The following VWA8 variants were observed in gnomAD, a reference collection of about 807,000 sequenced individuals.
The protein encoded by VWA8 is von Willebrand factor A domain containing 8.
VWA8 carries 221 observed loss-of-function variants against 241.5 expected under a neutral mutation model. That is an observed-to-expected ratio of 0.91 (90% CI 0.82 to 1.02). The LOEUF is 1.02. VWA8 is among the 50% of genes least tolerant of loss of function. The pLI, the probability that VWA8 is intolerant of heterozygous loss-of-function variation, is 0.00. For missense variants in VWA8, 2,322 were observed against 2,328.7 expected (o/e 1.00, Z 0.06); for synonymous variants, 852 against 827.1 (o/e 1.03, Z -0.52).
chr13:41,644,534 A>G (rs2044818408), intron 37 of VWA8, among the ~76,000 whole-genome samples: 1 of 152,160 alleles, frequency 6.6e-6, no homozygotes, highest in Non-Finnish European at 1.5e-5. Context: ...GTTTCCTCCC[A>G]CATCCCAAAG....
At chr13:41,728,775 T>A (rs1181705857) in intron 23 of VWA8, among the ~76,000 whole-genome samples, 1 of 152,102 alleles carries the variant, frequency 6.6e-6, no homozygotes, top group Admixed American at 6.5e-5. Flanking sequence ...AACATCTCTG[T>A]GGTGATGCAC....
intron 9 of VWA8, 65 bp downstream of exon 9, chr13:41,883,322 G>T: frequency 7.7e-7 from 1 of 1,306,486 alleles, no homozygotes; most frequent in Non-Finnish European, 1.1e-6. Flanking sequence ...GTGAGGGGAA[G>T]ATGGGAAAAG....
chr13:41,667,506 T>C (rs1348922599), intron 37 of VWA8, among the ~76,000 whole-genome samples: 3 of 152,202 alleles, frequency 2.0e-5, no homozygotes, highest in African/African-American at 7.2e-5. Flanking sequence ...ACTACTTCCT[T>C]AAGTACTATT....
chr13:41,885,649 C>A (rs1357830141), intron 8 of VWA8, among the ~76,000 whole-genome samples: 1 of 152,248 alleles, frequency 6.6e-6, no homozygotes. Flanking sequence ...ACACCTCTTA[C>A]TTGATCAGGC....
At chr13:41,910,429 TG>T (rs1333231312) in intron 3 of VWA8, among the ~76,000 whole-genome samples, 1 of 151,526 alleles carries the variant, frequency 6.6e-6, no homozygotes, top group African/African-American at 2.4e-5. Context: ...ACTAAAAACA[TG>T]AAAAATTAGC....
intron 9 of VWA8, among the ~76,000 whole-genome samples, chr13:41,870,067 G>C (rs1202222462): frequency 6.6e-6 from 1 of 151,958 alleles, no homozygotes; most frequent in Non-Finnish European, 1.5e-5. Flanking sequence ...TCTTCATTTT[G>C]ATGTCATAAG....
In VWA8 at chr13:41,830,620, T is replaced by G; in HGVS notation, c.1609A>C (p.Ser537Arg). ...LQRLIHDREL[S>R]LYDGSRLLRE... ...AGCAGCCTAGAACCATCATAGAGGC[T>G]TAGCTCTCGATCATGGATTAACCTA... The change falls in exon 14 of 45, where the codon AGC becomes CGC. Residue 537 changes from serine to arginine, a missense_variant. Physicochemically the swap from Ser to Arg is moderately radical, Grantham distance 110. Coordinates refer to ENST00000379310, the MANE Select transcript of VWA8 (RefSeq NM_015058.2). The G allele has an allele frequency of 6.2e-7, 1 of 1,613,648 alleles. No individual in the cohort carries two copies. The highest frequency in any genetic ancestry group is 8.5e-7 in the Non-Finnish European group (1 of 1,179,722).
intron 40 of VWA8, among the ~76,000 whole-genome samples, chr13:41,595,745 C>T (rs2044483901): frequency 6.6e-6 from 1 of 152,056 alleles, no homozygotes; most frequent in Admixed American, 6.6e-5. Flanking sequence ...TCACAATTTA[C>T]CCATTCTACA....
intron 4 of VWA8, among the ~76,000 whole-genome samples, chr13:41,903,371 G>T (rs751877804): frequency 4.6e-4 from 70 of 152,076 alleles, no homozygotes; most frequent in Non-Finnish European, 8.7e-4. Context: ...CAGTTTTTAG[G>T]TGCCTGAGAT....
intron 42 of VWA8, among the ~76,000 whole-genome samples, chr13:41,582,970 C>T (rs1028073419): frequency 3.3e-5 from 5 of 152,174 alleles, no homozygotes; most frequent in African/African-American, 1.2e-4. Flanking sequence ...CAGCCCTTTG[C>T]ATATGCAGAT....
chr13:41,737,781 G>A (rs377170296), intron 21 of VWA8, among the ~76,000 whole-genome samples: 17 of 151,944 alleles, frequency 1.1e-4, no homozygotes, highest in Non-Finnish European at 2.1e-4. Flanking sequence ...CATTGTATTC[G>A]TAAGGTATAA....
chr13:41,608,433 T>C (rs1299171175), intron 39 of VWA8, among the ~76,000 whole-genome samples: 2 of 152,232 alleles, frequency 1.3e-5, no homozygotes, highest in Admixed American at 6.6e-5. Context: ...TCTTTAACCC[T>C]GATCAAAACT....
chr13:41,570,330 T>G, intron 44 of VWA8, 138 bp downstream of exon 44: 14 of 694,516 alleles, frequency 2.0e-5, no homozygotes, highest in Non-Finnish European at 2.7e-5. Flanking sequence ...ATAAACCCCT[T>G]GAGGCTAGTA....
intron 25 of VWA8, among the ~76,000 whole-genome samples, chr13:41,720,885 G>A (rs1190847029): frequency 1.3e-5 from 2 of 152,080 alleles, no homozygotes; most frequent in Non-Finnish European, 2.9e-5. Flanking sequence ...CATTGTACAT[G>A]GTCGCAGGAA....
At chr13:41,692,282 T>G (rs1240464009) in intron 30 of VWA8, among the ~76,000 whole-genome samples, 1 of 152,098 alleles carries the variant, frequency 6.6e-6, no homozygotes, top group African/African-American at 2.4e-5. Flanking sequence ...AGGATACATT[T>G]ATGACATTAA....
Position 41,819,370 on chromosome 13 carries a change from G to A in VWA8, c.1717C>T (p.His573Tyr). ...QLQKRSIFPI[H>Y]PSFRIIALAE... Reference sequence around the variant, plus strand: ...AAGGCAATGATTCTGAAGGAGGGATGGATAGGAAAAATGGATCTAAAATAG... The same window carrying A: ...AAGGCAATGATTCTGAAGGAGGGATAGATAGGAAAAATGGATCTAAAATAG... The change falls in exon 15 of 45, where the codon CAT becomes TAT. Residue 573 changes from histidine to tyrosine, a missense_variant. Coordinates refer to ENST00000379310, the MANE Select transcript of VWA8 (RefSeq NM_015058.2). 1 of 1,598,492 alleles carries A rather than the reference G, an allele frequency of 6.3e-7. No individual in the cohort carries two copies. Among genetic ancestry groups the A allele is most frequent in the Non-Finnish European group, 8.5e-7 (1 of 1,176,182 alleles).
intron 14 of VWA8, 36 bp from the exon 15 acceptor site, chr13:41,819,422 T>G (rs780661363): frequency 1.3e-6 from 2 of 1,576,302 alleles, no homozygotes; most frequent in East Asian, 4.5e-5. Flanking sequence ...AAATAACATA[T>G]CTTTCATGTA....
intron 40 of VWA8, among the ~76,000 whole-genome samples, chr13:41,599,547 A>G (rs191871249): frequency 5.3e-5 from 8 of 152,190 alleles, no homozygotes; most frequent in Admixed American, 5.2e-4. Context: ...CTGTGTCCTT[A>G]TTCTCGAATG....
intron 5 of VWA8, among the ~76,000 whole-genome samples, chr13:41,889,661 G>A (rs1236856730): frequency 1.3e-5 from 2 of 152,152 alleles, no homozygotes; most frequent in East Asian, 3.9e-4. Context: ...TTACAGGTGT[G>A]AGCCACTGCA....
Sources: gnomAD v4.1 joint callset for allele counts (sites outside exome capture counted in the v4.1 genomes callset) on GRCh38, gnomAD v4.1.1 for gene constraint, MANE v1.5 for transcripts, NCBI Gene and HGNC (gene_info 2026-07-23, HGNC 2026-07-21) for gene names.